Variants in LDLRAD3 observed in about 807,000 individuals in gnomAD.
LDLRAD3 encodes the protein low density lipoprotein receptor class A domain containing 3, also known as low-density lipoprotein receptor class A domain-containing protein 3.
In LDLRAD3, 20 loss-of-function variants were observed where a neutral mutation model predicts 29.4. The ratio of observed to expected loss-of-function variants is 0.68; its 90% CI spans 0.48 to 0.99. The LOEUF is 0.99. Ranked by LOEUF, LDLRAD3 falls within the 50% of genes least tolerant of loss-of-function variation. The pLI is 0.00. For synonymous variants in LDLRAD3, 157 were observed against 192.7 expected (o/e 0.81, Z 1.53); for missense variants, 420 against 454.3 (o/e 0.92, Z 0.69).
intron 4 of LDLRAD3, among the ~76,000 whole-genome samples, chr11:36,217,827 G>A (rs974785756): frequency 3.3e-5 from 5 of 152,144 alleles, no homozygotes; most frequent in South Asian, 2.1e-4. Flanking sequence ...CTTCAACTTC[G>A]CATGGCCTTT....
chr11:35,946,753 T>C (rs1851062279), intron 1 of LDLRAD3, among the ~76,000 whole-genome samples: 1 of 152,188 alleles, frequency 6.6e-6, no homozygotes, highest in African/African-American at 2.4e-5. Flanking sequence ...GGAGTGAGTG[T>C]ACTCCCAGGA....
At chr11:36,017,679 C>T (rs2133194326) in intron 1 of LDLRAD3, among the ~76,000 whole-genome samples, 1 of 152,080 alleles carries the variant, frequency 6.6e-6, no homozygotes, top group Non-Finnish European at 1.5e-5. Flanking sequence ...CAGTCGTGCA[C>T]CCCCATGCCC....
rs911015933 is a variant in LDLRAD3 at position 35,944,774 on chromosome 11, T to C, written c.46+630T>C. ...GGGAACCGAAGCTTTATTTAAGACG[T>C]CTGACCACCCTACTTGCCCCGCGAT... On this transcript the variant is annotated intron_variant, in intron 1 of 5. Coordinates refer to ENST00000315571, the MANE Select transcript of LDLRAD3 (RefSeq NM_174902.4). This position sits in a 1 kb window ranked among gnomAD's most constrained non-coding sequence, Gnocchi z 4.9. Among the ~76,000 whole-genome samples, 12 of 152,344 alleles carry C rather than the reference T, an allele frequency of 7.9e-5. No homozygotes were observed. The highest frequency in any genetic ancestry group is 2.4e-4 in the African/African-American group (10 of 41,578).
intron 4 of LDLRAD3, 42 bp from the exon 5 acceptor site, chr11:36,227,043 T>C: frequency 2.8e-6 from 4 of 1,447,594 alleles, no homozygotes; most frequent in Non-Finnish European, 3.8e-6. Flanking sequence ...TTAGCCAAAC[T>C]GGTAACCTTC....
At chr11:36,076,329 A>G (rs1167041705) in intron 2 of LDLRAD3, among the ~76,000 whole-genome samples, 4 of 151,190 alleles carry the variant, frequency 2.6e-5, no homozygotes, top group Non-Finnish European at 5.9e-5. Flanking sequence ...TCAAATTTCC[A>G]TTGGAAATTT....
intron 3 of LDLRAD3, among the ~76,000 whole-genome samples, chr11:36,089,183 T>C (rs185216254): frequency 4.3e-4 from 65 of 152,306 alleles, no homozygotes; most frequent in African/African-American, 1.5e-3. Context: ...GTGAACTGCT[T>C]GGCTGACAGT....
intron 4 of LDLRAD3, among the ~76,000 whole-genome samples, chr11:36,165,835 G>A (rs530078456): frequency 1.8e-4 from 26 of 145,570 alleles, no homozygotes; most frequent in Non-Finnish European, 3.4e-4. Flanking sequence ...TTAACAAGAT[G>A]ATCACCCAGG....
intron 2 of LDLRAD3, among the ~76,000 whole-genome samples, chr11:36,047,868 C>G (rs887248760): frequency 1.3e-5 from 2 of 152,194 alleles, no homozygotes; most frequent in Non-Finnish European, 2.9e-5. Context: ...GTCAGCTGTA[C>G]TCTTCCTGGC....
chr11:35,977,014 C>T (rs1851485290), intron 1 of LDLRAD3, among the ~76,000 whole-genome samples: 2 of 152,148 alleles, frequency 1.3e-5, no homozygotes, highest in Non-Finnish European at 2.9e-5. Context: ...AATTCAAGCT[C>T]GAATTCAATA....
rs192201000 is a variant in LDLRAD3, at chr11:35,971,142, T to A, written c.46+26998T>A. ...TGCCATTTCTTCCTGATCTCTCTAA[T>A]TCTGCCTGTACCCTTACCCCCATCT... On this transcript the variant is annotated intron_variant, in intron 1 of 5. Transcript: ENST00000315571. Among the ~76,000 whole-genome samples, 142 of 152,320 alleles carry A rather than the reference T, an allele frequency of 9.3e-4. 4 individuals are homozygous for A. In the East Asian group the frequency reaches 0.02, roughly 21 times the overall value.
At chr11:36,204,119 C>G (rs796221056) in intron 4 of LDLRAD3, among the ~76,000 whole-genome samples, 4 of 152,146 alleles carry the variant, frequency 2.6e-5, no homozygotes, top group African/African-American at 9.6e-5. Context: ...GTAGTTAAAG[C>G]AATTTGGGGG....
chr11:36,183,964 T>TG, intron 4 of LDLRAD3: 3 of 132,342 alleles, frequency 2.3e-5, no homozygotes. Flanking sequence ...ATATTTCATC[T>TG]TTTTTTTTTT....
intron 2 of LDLRAD3, among the ~76,000 whole-genome samples, chr11:36,045,631 G>T (rs1049751892): frequency 1.3e-5 from 2 of 151,936 alleles, no homozygotes; most frequent in African/African-American, 4.8e-5. Context: ...GTGGTCATGG[G>T]TGGGACCTGG....
intron 2 of LDLRAD3, among the ~76,000 whole-genome samples, chr11:36,041,878 T>TG (rs752479814): frequency 0.011 from 635 of 55,304 alleles, 4 homozygotes; most frequent in African/African-American, 0.015. Flanking sequence ...TGTGTTTGGT[T>TG]GAGGGGGGTG....
chr11:36,095,409 A>G lies in LDLRAD3; in HGVS notation c.320-2918A>G, dbSNP rs183946170. ...AGTGTGGCACGTCATCACCAGTGAC[A>G]GTATACATTATTTCACGGTTTTACT... On this transcript the variant is annotated intron_variant, in intron 3 of 5. Coordinates refer to ENST00000315571, the MANE Select transcript of LDLRAD3 (RefSeq NM_174902.4). Among the ~76,000 whole-genome samples, 533 of 127,334 alleles carry G rather than the reference A, an allele frequency of 4.2e-3. 3 individuals carry two copies. The highest frequency in any genetic ancestry group is 0.014 in the African/African-American group (515 of 37,994). The allele number at this position is 127,334 out of a possible 152,430, so 83.5% of individuals were successfully genotyped here.
intron 4 of LDLRAD3, among the ~76,000 whole-genome samples, chr11:36,129,763 C>G (rs1853897588): frequency 6.6e-6 from 1 of 152,178 alleles, no homozygotes; most frequent in Non-Finnish European, 1.5e-5. Flanking sequence ...TTCACCACCC[C>G]CAACACTCTC....
At chr11:36,019,480 T>C (rs1271816185) in intron 1 of LDLRAD3, among the ~76,000 whole-genome samples, 1 of 152,212 alleles carries the variant, frequency 6.6e-6, no homozygotes, top group Non-Finnish European at 1.5e-5. Flanking sequence ...ACCTTCCATA[T>C]AGGTAGATAA....
chr11:36,146,543 G>A (rs187343631), intron 4 of LDLRAD3, among the ~76,000 whole-genome samples: 263 of 152,178 alleles, frequency 1.7e-3, no homozygotes, highest in Middle Eastern at 3.4e-3. Context: ...AGTTATTCTC[G>A]TACAGTTCAG....
chr11:36,040,600 C>T (rs1240007403), intron 2 of LDLRAD3, among the ~76,000 whole-genome samples: 2 of 152,080 alleles, frequency 1.3e-5, no homozygotes, highest in Non-Finnish European at 2.9e-5. Context: ...CTCTTCTTTC[C>T]AGTTTTCCAC....
Sources: allele counts gnomAD v4.1 joint callset (sites outside exome capture counted in the v4.1 genomes callset), GRCh38; gene constraint gnomAD v4.1.1; non-coding constraint Gnocchi (gnomAD v3.1); transcripts MANE v1.5; gene names NCBI Gene and HGNC (gene_info 2026-07-23, HGNC 2026-07-21).